The following LRP1B variants were observed in gnomAD, a reference collection of about 807,000 sequenced individuals.
LRP1B encodes the protein low-density lipoprotein receptor-related protein 1B.
A neutral mutation model predicts 556.6 loss-of-function variants in LRP1B; 217 were observed. That is an observed-to-expected ratio of 0.39 (90% CI 0.35 to 0.44). The LOEUF is 0.44. LRP1B is among the 20% of genes least tolerant of loss of function. The probability of loss-of-function intolerance (pLI) is 1.00; values close to 1 mark genes in which losing one functional copy is unlikely to be tolerated. For synonymous variants in LRP1B, 2,047 were observed against 1,865.8 expected (o/e 1.10, Z -2.50); for missense variants, 5,053 against 5,620.8 (o/e 0.90, Z 3.23).
intron 3 of LRP1B, 89 bp from the exon 4 acceptor site, chr2:141,254,730 C>A: frequency 1.0e-6 from 1 of 998,276 alleles, no homozygotes; most frequent in Non-Finnish European, 1.4e-6. Context: ...ACACTATAGT[C>A]TTGATTGTTC....
intron 39 of LRP1B, 40 bp downstream of exon 39, chr2:140,702,101 A>C: frequency 6.2e-7 from 1 of 1,600,740 alleles, no homozygotes; most frequent in Non-Finnish European, 8.5e-7. Context: ...GCACTGAAAT[A>C]ACATTTTGAG....
At chr2:140,633,525 C>A (rs1006135381) in intron 41 of LRP1B, among the ~76,000 whole-genome samples, 1 of 151,920 alleles carries the variant, frequency 6.6e-6, no homozygotes, top group African/African-American at 2.4e-5. Flanking sequence ...AGTAAATCAA[C>A]AAAATCAAAA....
chr2:140,539,933 G>A (rs760508347), intron 45 of LRP1B, among the ~76,000 whole-genome samples: 12 of 151,980 alleles, frequency 7.9e-5, no homozygotes, highest in Non-Finnish European at 1.3e-4. Flanking sequence ...TTGCTAAGAG[G>A]TGCCTTTTTG....
At chr2:140,863,697 G>A (rs1189126522) in intron 27 of LRP1B, among the ~76,000 whole-genome samples, 1 of 152,134 alleles carries the variant, frequency 6.6e-6, no homozygotes, top group African/African-American at 2.4e-5. Flanking sequence ...TGACTGACAT[G>A]AGGGAAGAAT....
chr2:141,434,419 C>A (rs1398433166), intron 3 of LRP1B, among the ~76,000 whole-genome samples: 3 of 151,944 alleles, frequency 2.0e-5, no homozygotes, highest in African/African-American at 7.2e-5. Flanking sequence ...TTTTCAACTG[C>A]AGATTTTCCA....
At chr2:141,589,508 G>A (rs796288156) in intron 2 of LRP1B, among the ~76,000 whole-genome samples, 19 of 152,162 alleles carry the variant, frequency 1.2e-4, no homozygotes, top group African/African-American at 2.9e-4. Flanking sequence ...CTATCATTGC[G>A]CAAGTCTTCA....
At chr2:140,916,840 CTTTTA>C (rs1321708712) in intron 21 of LRP1B, among the ~76,000 whole-genome samples, 1 of 151,326 alleles carries the variant, frequency 6.6e-6, no homozygotes, top group African/African-American at 2.4e-5. Context: ...AAAGAATATA[CTTTTA>C]TTTTCTTTTC....
At chr2:140,249,947 C>T (rs17385570) in intron 86 of LRP1B, among the ~76,000 whole-genome samples, 3,128 of 151,946 alleles carry the variant, frequency 0.021, 39 homozygotes, top group African/African-American at 0.029. Context: ...TCCAATTCCC[C>T]GCTGAATTAT....
chr2:141,987,400 A>G (rs1702224958), intron 1 of LRP1B, among the ~76,000 whole-genome samples: 1 of 152,090 alleles, frequency 6.6e-6, no homozygotes, highest in South Asian at 2.1e-4. Context: ...ACCTTCTATA[A>G]GTGCAAATTT....
chr2:140,402,439 G>A (rs1304135237), intron 66 of LRP1B, among the ~76,000 whole-genome samples: 1 of 152,212 alleles, frequency 6.6e-6, no homozygotes, highest in Admixed American at 6.5e-5. Flanking sequence ...GGTTGCACCT[G>A]TAGACTGCCT....
Position 140,902,694 on chromosome 2 carries a change from G to C in LRP1B, c.3766+226C>G, listed in dbSNP as rs76636899. Reference sequence around the variant, plus strand: ...GATATGATAATAAAATCAATGTTTCGGGAAAAAGAATAATCTGATGGTAAC... The same window carrying C: ...GATATGATAATAAAATCAATGTTTCCGGAAAAAGAATAATCTGATGGTAAC... On this transcript the variant is annotated intron_variant, in intron 23 of 90. Coordinates refer to ENST00000389484, the MANE Select transcript of LRP1B (RefSeq NM_018557.3). Among the ~76,000 whole-genome samples the C allele has an allele frequency of 5.9e-5, 9 of 152,108 alleles. No individual in the cohort carries two copies. In the East Asian group the frequency reaches 1.6e-3, roughly 26 times the overall value.
chr2:140,615,793 T>A (rs547587088), intron 41 of LRP1B, among the ~76,000 whole-genome samples: 1 of 152,302 alleles, frequency 6.6e-6, no homozygotes, highest in African/African-American at 2.4e-5. Context: ...CTTGTCCATA[T>A]ACAATAATAT....
At chr2:141,076,091 T>C (rs1699778722) in intron 7 of LRP1B, among the ~76,000 whole-genome samples, 1 of 152,232 alleles carries the variant, frequency 6.6e-6, no homozygotes, top group Non-Finnish European at 1.5e-5. Flanking sequence ...AAAAGTTCTG[T>C]AAAGCAATAC....
chr2:142,044,983 T>A lies in LRP1B; in HGVS notation c.82+85665A>T, dbSNP rs191420770. ...GTTAGTTTCTCCATCTCTATATGCA[T>A]TGTCATATAAAAAGTAAGAGAAAAC... On this transcript the variant is annotated intron_variant, in intron 1 of 90. Transcript: ENST00000389484. Among the ~76,000 whole-genome samples the A allele has an allele frequency of 1.4e-3, 217 of 151,908 alleles. 1 individual carries two copies. The highest frequency in any genetic ancestry group is 4.8e-3 in the African/African-American group (199 of 41,524).
At chr2:141,097,584 T>C (rs1700353129) in intron 7 of LRP1B, among the ~76,000 whole-genome samples, 1 of 152,150 alleles carries the variant, frequency 6.6e-6, no homozygotes, top group Non-Finnish European at 1.5e-5. Flanking sequence ...ATTTATCTTG[T>C]CTACCTTCTA....
chr2:141,922,789 C>G (rs909507474), intron 1 of LRP1B, among the ~76,000 whole-genome samples: 2 of 152,032 alleles, frequency 1.3e-5, no homozygotes, highest in African/African-American at 4.8e-5. Context: ...CTTCAGTTCT[C>G]TCAGCTATAA....
At chr2:141,203,014 T>C (rs564557446) in intron 6 of LRP1B, among the ~76,000 whole-genome samples, 3 of 152,248 alleles carry the variant, frequency 2.0e-5, no homozygotes, top group African/African-American at 7.2e-5. Context: ...CCACCAGACC[T>C]GCCTTACAAG....
chr2:140,848,491 T>C (rs76678074), intron 29 of LRP1B, among the ~76,000 whole-genome samples: 5,963 of 152,312 alleles, frequency 0.039, 183 homozygotes, highest in South Asian at 0.093. Flanking sequence ...GATCTATTAA[T>C]GGTACTCAAG....
chr2:141,148,148 C>T (rs1701832115), intron 7 of LRP1B, among the ~76,000 whole-genome samples: 1 of 152,168 alleles, frequency 6.6e-6, no homozygotes, highest in Non-Finnish European at 1.5e-5. Context: ...CAGGAATAGT[C>T]TCAATTCTAG....
Sources: gnomAD v4.1 joint callset for allele counts (sites outside exome capture counted in the v4.1 genomes callset) on GRCh38, gnomAD v4.1.1 for gene constraint, MANE v1.5 for transcripts, NCBI Gene and HGNC (gene_info 2026-07-23, HGNC 2026-07-21) for gene names.